TAF1: variants seen among roughly 807,000 people sequenced by gnomAD.
TAF1 encodes TATA-box binding protein associated factor 1.
TAF1 carries 2 observed loss-of-function variants against 138.5 expected under a neutral mutation model. That is an observed-to-expected ratio of 0.01 (90% CI 0.01 to 0.05). The LOEUF (loss-of-function observed/expected upper bound fraction) is 0.05, where lower values mean the gene tolerates loss of function less well. TAF1 is among the 10% of genes least tolerant of loss of function. TAF1 has a pLI of 1.00. For missense variants in TAF1, 709 were observed against 1,478.0 expected (o/e 0.48, Z 8.53); for synonymous variants, 437 against 503.2 (o/e 0.87, Z 1.76).
intron 8 of TAF1, among the ~76,000 whole-genome samples, chrX:71,381,217 C>G (rs773676276): frequency 8.9e-6 from 1 of 112,360 alleles, no homozygotes; most frequent in Non-Finnish European, 1.9e-5. Context: ...TAAATTTCAA[C>G]TATTATAAAC....
intron 15 of TAF1, among the ~76,000 whole-genome samples, chrX:71,387,768 T>C (rs1386754373): frequency 9.0e-6 from 1 of 111,508 alleles, no homozygotes. Flanking sequence ...ACCCCGTCTC[T>C]ACTAAAAATA....
intron 25 of TAF1, among the ~76,000 whole-genome samples, chrX:71,403,167 T>A (rs1394032597): frequency 1.8e-5 from 2 of 110,631 alleles, no homozygotes; most frequent in Non-Finnish European, 3.8e-5. Context: ...TAGTTGGGAC[T>A]ACAGGTGTGC....
chrX:71,387,848 G>A (rs910881010), intron 15 of TAF1, among the ~76,000 whole-genome samples: 1 of 109,664 alleles, frequency 9.1e-6, no homozygotes. Context: ...CAGGAGAATC[G>A]CTTGAACCTA....
chrX:71,399,703 C>T (rs767678130), intron 24 of TAF1, among the ~76,000 whole-genome samples: 1 of 108,634 alleles, frequency 9.2e-6, no homozygotes, highest in African/African-American at 3.3e-5. Flanking sequence ...TCCCAAGTAG[C>T]TGTGCTACCA....
At chrX:71,431,198 G>A (rs1263310552) in intron 32 of TAF1, among the ~76,000 whole-genome samples, 2 of 107,603 alleles carry the variant, frequency 1.9e-5, no homozygotes, top group East Asian at 2.9e-4. Flanking sequence ...AAGTAGCTGG[G>A]ATTACAGGCA....
chrX:71,474,006 G>A (rs1243157323), intron 13 of TAF1, among the ~76,000 whole-genome samples: 2 of 110,868 alleles, frequency 1.8e-5, no homozygotes, highest in East Asian at 5.7e-4. Flanking sequence ...TTAGCTGGGC[G>A]TGGTGTCGGG....
chrX:71,406,326 CAAAA>C (rs1173763080), intron 25 of TAF1, among the ~76,000 whole-genome samples: 2 of 31,446 alleles, frequency 6.4e-5, no homozygotes, highest in Non-Finnish European at 1.3e-4. Context: ...AACTACATCT[CAAAA>C]AAAAAAAAAA....
chrX:71,412,190 T>C (rs779374719), intron 28 of TAF1, among the ~76,000 whole-genome samples: 65 of 106,102 alleles, frequency 6.1e-4, no homozygotes, highest in African/African-American at 2.1e-3. Flanking sequence ...AGTGGTACAG[T>C]CATAGCTCAC....
chrX:71,410,180 C>T (rs1010519860), intron 28 of TAF1, among the ~76,000 whole-genome samples: 2 of 110,729 alleles, frequency 1.8e-5, no homozygotes, highest in Admixed American at 9.7e-5. Context: ...CATGAACCAC[C>T]GCGCCCGGCC....
Position 71,463,928 on chromosome X carries a change from A to C in TAF1, c.5504A>C (p.Glu1835Ala). Residue 1835 changes from glutamate to alanine, a missense_variant, in exon 38 of 38, where the codon GAG (glutamate) becomes GCG (alanine). By Grantham distance (107) the Glu-to-Ala change is moderately radical. Transcript: ENST00000423759. ...EVSEEEEDEEEEEQRSGPSVL... is the reference protein window; with the variant it reads ...EVSEEEEDEEAEEQRSGPSVL... ...TCAGAGGAGGAAGAAGATGAGGAGG[A>C]GGAAGAGCAGCGCTCTGGGCCGAGC... 8.3e-7 allele frequency: 1 copy of C among 1,208,117 alleles called. No homozygotes were observed. The highest frequency in any genetic ancestry group is 1.7e-5 in the African/African-American group (1 of 57,836).
intron 32 of TAF1, among the ~76,000 whole-genome samples, chrX:71,434,410 A>T (rs2037040285): frequency 8.9e-6 from 1 of 112,335 alleles, no homozygotes; most frequent in Non-Finnish European, 1.9e-5. Flanking sequence ...GCATATTCAG[A>T]TCCTTCACAC....
Position 71,388,249 on chromosome X carries a change from C to A in TAF1, c.2440C>A (p.Arg814Ser). Residue 814 changes from arginine (R) to serine (S), a missense_variant, in exon 16 of 38, where the codon CGC becomes AGC. This residue lies in a region of TAF1 where 201 missense variants were observed against 421.3 expected (regional missense o/e 0.48). Coordinates refer to ENST00000423759, the MANE Select transcript of TAF1 (RefSeq NM_004606.5). ...IRDFLQVFIYRLFWKSKDRPR... is the reference protein window; with the variant it reads ...IRDFLQVFIYSLFWKSKDRPR... ...GTTTGTTGGGCAGGTTTTTATTTAC[C>A]GCCTTTTCTGGAAAAGTAAAGATCG... 8.3e-7 allele frequency: 1 copy of A among 1,209,833 alleles called. No individual in the cohort carries two copies. The highest frequency in any genetic ancestry group is 1.1e-6 in the Non-Finnish European group (1 of 895,039).
chrX:71,443,513 A>G (rs1375917152), intron 32 of TAF1, among the ~76,000 whole-genome samples: 1 of 111,410 alleles, frequency 9.0e-6, no homozygotes, highest in African/African-American at 3.3e-5. Context: ...ATTGATTTTT[A>G]TATCCTGAGA....
At chrX:71,513,213 G>A (rs1180378328) in intron 13 of TAF1, among the ~76,000 whole-genome samples, 2 of 111,648 alleles carry the variant, frequency 1.8e-5, no homozygotes, top group Admixed American at 1.9e-4. Flanking sequence ...GTTTAAGGCT[G>A]AGGAGCAGAC....
chrX:71,427,773 T>C (rs1169672476), intron 32 of TAF1, among the ~76,000 whole-genome samples: 1 of 108,194 alleles, frequency 9.2e-6, no homozygotes, highest in African/African-American at 3.4e-5. Context: ...ATCCCATCTT[T>C]CCTAAAAATA....
At chrX:71,380,865 A>G (rs2033838274) in intron 8 of TAF1, among the ~76,000 whole-genome samples, 3 of 110,862 alleles carry the variant, frequency 2.7e-5, no homozygotes, top group South Asian at 7.5e-4. Context: ...TAATTTTTGT[A>G]TTTTTAGTAG....
chrX:71,411,184 C>T (rs937072162), intron 28 of TAF1, among the ~76,000 whole-genome samples: 13 of 111,419 alleles, frequency 1.2e-4, no homozygotes, highest in Non-Finnish European at 2.3e-4. Context: ...GGGATTCAAG[C>T]GATTCTCCTG....
intron 13 of TAF1, among the ~76,000 whole-genome samples, chrX:71,483,822 A>AT (rs762773041): frequency 1.7e-5 from 1 of 59,241 alleles, no homozygotes; most frequent in Non-Finnish European, 3.3e-5. Flanking sequence ...ATCCCTCATT[A>AT]TTTTTTTTCT....
chrX:71,453,555 T>TA (rs1490308217), intron 32 of TAF1, among the ~76,000 whole-genome samples: 1 of 110,499 alleles, frequency 9.0e-6, no homozygotes, highest in African/African-American at 3.3e-5. Context: ...ACCAGAGTGT[T>TA]ATATTAATTG....
Sources: gnomAD v4.1 joint callset for allele counts (sites outside exome capture counted in the v4.1 genomes callset) on GRCh38, gnomAD v4.1.1 for gene constraint, gnomAD v4.1.1 regional missense constraint, MANE v1.5 for transcripts, NCBI Gene and HGNC (gene_info 2026-07-23, HGNC 2026-07-21) for gene names.